Variants in TNIP1 observed in about 807,000 individuals in gnomAD.
TNIP1 encodes the protein TNFAIP3-interacting protein 1.
In TNIP1, 22 loss-of-function variants were observed where a neutral mutation model predicts 86.6. The ratio of observed to expected loss-of-function variants is 0.25; its 90% CI spans 0.18 to 0.36. TNIP1 has a LOEUF of 0.36. Among genes scored for constraint, TNIP1 ranks in the 10% least tolerant of loss-of-function variants. The pLI, the probability that TNIP1 is intolerant of heterozygous loss-of-function variation, is 1.00. For missense variants in TNIP1, 709 were observed against 820.6 expected (o/e 0.86, Z 1.66); for synonymous variants, 294 against 313.0 (o/e 0.94, Z 0.64).
chr5:151,080,503 T>C (rs1464834363), intron 1 of TNIP1: 1 of 150,594 alleles, frequency 6.6e-6, no homozygotes, highest in African/African-American at 2.5e-5. Context: ...GTGACATATG[T>C]ACACTGCTTC....
intron 1 of TNIP1, among the ~76,000 whole-genome samples, chr5:151,073,047 C>T (rs1272285623): frequency 5.9e-5 from 9 of 152,100 alleles, no homozygotes; most frequent in Admixed American, 5.2e-4. Flanking sequence ...CATGGCAAAA[C>T]CCAGTCTCTA....
intron 12 of TNIP1, 61 bp from the exon 13 acceptor site, chr5:151,036,982 G>A (rs1017578074): frequency 3.9e-5 from 59 of 1,521,706 alleles, no homozygotes; most frequent in Non-Finnish European, 5.1e-5. Flanking sequence ...GCCCTTTGGA[G>A]GGGTCATCCT....
upstream of TNIP1, among the ~76,000 whole-genome samples, chr5:151,084,551 C>G (rs955485905): frequency 5.3e-5 from 8 of 151,928 alleles, no homozygotes; most frequent in Admixed American, 5.2e-4. Flanking sequence ...GGAGGTCTTA[C>G]GTTGAGTTTG....
intron 1 of TNIP1, among the ~76,000 whole-genome samples, chr5:151,067,089 A>T (rs1349288071): frequency 6.6e-6 from 1 of 152,246 alleles, no homozygotes; most frequent in Non-Finnish European, 1.5e-5. Context: ...TGAGCCTGCG[A>T]GGCAAAGGAC....
At chr5:151,055,246 A>G (rs971921164) in intron 6 of TNIP1, among the ~76,000 whole-genome samples, 1 of 152,226 alleles carries the variant, frequency 6.6e-6, no homozygotes, top group African/African-American at 2.4e-5. Context: ...AGAGTATAAG[A>G]AAAAATGTAT....
chr5:151,059,779 CAGAGAGAGAGAGAGAGAGAGAG>C (rs55637016), intron 5 of TNIP1, among the ~76,000 whole-genome samples: 154 of 67,390 alleles, frequency 2.3e-3, no homozygotes, highest in East Asian at 0.017. Flanking sequence ...GTACGAGAGA[CAGAGAGAGAGAGAGAGAGAGAG>C]AGAGAGAGAG....
In TNIP1 at chr5:151,086,492, C is replaced by T. The variant is rs546669611; in HGVS notation, c.-37+593G>A. 1.1e-4 allele frequency among the ~76,000 whole-genome samples: 16 copies of T among 152,242 alleles called. No homozygotes were observed. In the South Asian group the frequency reaches 2.5e-3, roughly 24 times the overall value. On this transcript the variant is annotated intron_variant, in intron 1 of 17. Transcript: ENST00000315050. Reference sequence around the variant, plus strand: ...CTCCACTATGTTCCCCTGGAGGCAGCGCCGATTCTTGGCCTCTTCCTATCT... The same window carrying T: ...CTCCACTATGTTCCCCTGGAGGCAGTGCCGATTCTTGGCCTCTTCCTATCT...
chr5:151,041,028 C>T (rs1758347682), intron 11 of TNIP1, among the ~76,000 whole-genome samples: 1 of 151,646 alleles, frequency 6.6e-6, no homozygotes, highest in African/African-American at 2.4e-5. Flanking sequence ...TCTGGTCTCA[C>T]TTATGCCCAC....
chr5:151,030,670 G>A lies in TNIP1; in HGVS notation c.*43C>T, dbSNP rs763739742. 4 of 1,613,970 alleles carry A rather than the reference G, an allele frequency of 2.5e-6. No individual in the cohort carries two copies. Among genetic ancestry groups the A allele is most frequent in the Non-Finnish European group, 8.5e-7 (1 of 1,179,922 alleles). On this transcript the variant is annotated 3_prime_UTR_variant, in exon 18 of 18. Coordinates refer to ENST00000521591, the MANE Select transcript of TNIP1 (RefSeq NM_006058.5). ...GTTTCTTGGCAATCTGAGATCAGCT[G>A]GCTCTGCAAGATGAAGGTGGAGCCA... is the stretch of plus-strand genomic sequence containing the variant.
intron 6 of TNIP1, among the ~76,000 whole-genome samples, chr5:151,054,129 A>C (rs1399409817): frequency 6.6e-6 from 1 of 152,240 alleles, no homozygotes; most frequent in African/African-American, 2.4e-5. Flanking sequence ...TCCTGGTAGC[A>C]GGGGCTGATG....
intron 6 of TNIP1, among the ~76,000 whole-genome samples, chr5:151,055,321 T>A (rs1225199879): frequency 6.6e-6 from 1 of 151,918 alleles, no homozygotes; most frequent in Non-Finnish European, 1.5e-5. Context: ...GGGACTGAAA[T>A]AAAAAATAAC....
At chr5:151,087,577 C>G (rs576871518), upstream of TNIP1, 18 of 152,270 alleles carry the variant, frequency 1.2e-4, 1 homozygote, top group Non-Finnish European at 2.5e-4. Flanking sequence ...CCTCCCACCC[C>G]GTTCCTATCC....
Position 151,032,322 on chromosome 5 carries a change from A to G in TNIP1, c.1841T>C (p.Val614Ala). Residue 614 changes from valine (V) to alanine (A), a missense_variant, in exon 17 of 18, where the codon GTG becomes GCG. Transcript: ENST00000521591. ...GVRNPNQSSQ[V>A]MDPPTARPTE... Reference sequence around the variant, plus strand: ...AGGCCTGGCTGTGGGAGGGTCCATCACTTGGGAGCTCTGATTTGGATTTCG... The same window carrying G: ...AGGCCTGGCTGTGGGAGGGTCCATCGCTTGGGAGCTCTGATTTGGATTTCG... 3 of 1,614,050 alleles carry G rather than the reference A, an allele frequency of 1.9e-6. No homozygotes were observed. The highest frequency in any genetic ancestry group is 2.5e-6 in the Non-Finnish European group (3 of 1,179,968).
intron 1 of TNIP1, among the ~76,000 whole-genome samples, chr5:151,067,086 G>T (rs528351337): frequency 6.6e-6 from 1 of 152,352 alleles, no homozygotes; most frequent in East Asian, 1.9e-4. Context: ...TGCTGAGCCT[G>T]CGAGGCAAAG....
At chr5:151,035,431 G>A in intron 14 of TNIP1, 151 bp downstream of exon 14, 1 of 1,118,882 alleles carries the variant, frequency 8.9e-7, no homozygotes. Flanking sequence ...AGTCAGAGAG[G>A]GGAAGGGCCT....
chr5:151,066,179 C>T (rs973356800), intron 1 of TNIP1, among the ~76,000 whole-genome samples: 4 of 152,210 alleles, frequency 2.6e-5, no homozygotes, highest in African/African-American at 9.6e-5. Flanking sequence ...ATCAAAAAGT[C>T]TATGCACAAA....
chr5:151,060,184 G>T, intron 5 of TNIP1, 134 bp downstream of exon 5: 1 of 855,304 alleles, frequency 1.2e-6, no homozygotes, highest in Non-Finnish European at 1.9e-6. Context: ...CTTTGCTCCT[G>T]CCCCTCGTGT....
intron 1 of TNIP1, among the ~76,000 whole-genome samples, chr5:151,072,782 C>A (rs181331545): frequency 6.6e-6 from 1 of 152,344 alleles, no homozygotes; most frequent in East Asian, 1.9e-4. Flanking sequence ...CACCTCCACC[C>A]TTTTAGGTAG....
At chr5:151,072,996 C>A (rs112844893) in intron 1 of TNIP1, among the ~76,000 whole-genome samples, 3 of 151,902 alleles carry the variant, frequency 2.0e-5, no homozygotes, top group African/African-American at 7.3e-5. Flanking sequence ...CCGAGGTGGG[C>A]GGATCACCTG....
Sources: gnomAD v4.1 joint callset for allele counts (sites outside exome capture counted in the v4.1 genomes callset) on GRCh38, gnomAD v4.1.1 for gene constraint, MANE v1.5 for transcripts, NCBI Gene and HGNC (gene_info 2026-07-23, HGNC 2026-07-21) for gene names.